The following VEPH1 variants were observed in gnomAD, a reference collection of about 807,000 sequenced individuals.
The protein encoded by VEPH1 is ventricular zone-expressed PH domain-containing protein homolog 1.
Under a neutral mutation model 85.2 loss-of-function variants are expected in VEPH1, and 80 were observed. The observed-to-expected ratio is 0.94, with a 90% CI of 0.78 to 1.13. The LOEUF is 1.13. Among genes scored for constraint, VEPH1 ranks in the 50% most tolerant of loss-of-function variants. The probability of loss-of-function intolerance (pLI) is 0.00; values close to 1 mark genes in which losing one functional copy is unlikely to be tolerated. For synonymous variants in VEPH1, 297 were observed against 348.0 expected (o/e 0.85, Z 1.63); for missense variants, 955 against 980.5 (o/e 0.97, Z 0.35).
At chr3:157,486,727 A>G (rs1232916750) in intron 2 of VEPH1, among the ~76,000 whole-genome samples, 1 of 152,308 alleles carries the variant, frequency 6.6e-6, no homozygotes, top group East Asian at 1.9e-4. Context: ...CTGGCACACA[A>G]TAAGTGCTAC....
intron 9 of VEPH1, among the ~76,000 whole-genome samples, chr3:157,329,536 C>A (rs1261088586): frequency 6.6e-6 from 1 of 152,120 alleles, no homozygotes; most frequent in East Asian, 1.9e-4. Flanking sequence ...AAGTTGTCTT[C>A]ATGTATAACT....
intron 12 of VEPH1, among the ~76,000 whole-genome samples, chr3:157,282,417 G>A (rs546684837): frequency 9.8e-5 from 15 of 152,306 alleles, no homozygotes; most frequent in African/African-American, 3.6e-4. Context: ...AAGTTCTAAA[G>A]ATGAATCATG....
At chr3:157,314,926 C>T (rs1720568261) in intron 10 of VEPH1, among the ~76,000 whole-genome samples, 1 of 151,992 alleles carries the variant, frequency 6.6e-6, no homozygotes, top group Non-Finnish European at 1.5e-5. Flanking sequence ...GTCTAATAAT[C>T]ATTTACATGT....
intron 4 of VEPH1, chr3:157,436,769 C>T: frequency 3.2e-6 from 2 of 634,012 alleles, no homozygotes; most frequent in South Asian, 2.4e-5. Flanking sequence ...CTCCCGTTAC[C>T]GCAGTGCCAC....
chr3:157,346,933 CCT>C (rs1724293241), intron 9 of VEPH1, among the ~76,000 whole-genome samples: 1 of 152,064 alleles, frequency 6.6e-6, no homozygotes, highest in African/African-American at 2.4e-5. Flanking sequence ...TGAATTAAAT[CCT>C]TTTATTTATA....
intron 2 of VEPH1, among the ~76,000 whole-genome samples, chr3:157,473,682 T>C (rs1175461419): frequency 6.6e-6 from 1 of 152,264 alleles, no homozygotes; most frequent in East Asian, 1.9e-4. Context: ...ATAGAATACA[T>C]CACTTTCTAT....
chr3:157,309,243 G>C (rs1719837303), intron 11 of VEPH1, among the ~76,000 whole-genome samples: 1 of 152,094 alleles, frequency 6.6e-6, no homozygotes, highest in Admixed American at 6.6e-5. Context: ...AAATTATAAA[G>C]ATTATAGTGG....
At chr3:157,349,298 T>C (rs1023725707) in intron 9 of VEPH1, among the ~76,000 whole-genome samples, 5 of 152,252 alleles carry the variant, frequency 3.3e-5, no homozygotes, top group African/African-American at 1.2e-4. Flanking sequence ...ATTATTTCAA[T>C]AGATGCAGGA....
At chr3:157,329,996 G>A (rs924822073) in intron 9 of VEPH1, among the ~76,000 whole-genome samples, 1 of 152,190 alleles carries the variant, frequency 6.6e-6, no homozygotes, top group African/African-American at 2.4e-5. Context: ...GAATTCTGAT[G>A]TTAGGTGTCA....
In VEPH1 at chr3:157,290,035, A is replaced by AACACACAC. The variant is rs34035101; in HGVS notation, c.2011-3369_2011-3362dup. 1.7e-3 allele frequency among the ~76,000 whole-genome samples: 245 copies of AACACACAC among 144,406 alleles called. 1 individual carries two copies. Among genetic ancestry groups the AACACACAC allele is most frequent in the Admixed American group, 2.6e-3 (37 of 14,470 alleles). 94.7% of individuals were successfully genotyped at this position (144,406 alleles called of 152,430 possible). A position where few individuals can be genotyped will look rare whatever the true frequency, so the allele number is the denominator to read the frequency against. The stretch of plus-strand genomic sequence containing the variant: ...ATCAATTCCGTTGTTATTATACACA[A>AACACACAC]ACACACACACACACACACACACACA... On this transcript the variant is annotated intron_variant, in intron 11 of 13. Coordinates refer to ENST00000362010, the MANE Select transcript of VEPH1 (RefSeq NM_001167912.2).
At chr3:157,437,080 T>C in intron 4 of VEPH1, 3 of 1,612,698 alleles carry the variant, frequency 1.9e-6, no homozygotes, top group Non-Finnish European at 2.5e-6. Context: ...TCACTTTAAC[T>C]GTTTCTCTGC....
At chr3:157,447,745 C>A (rs1463750021) in intron 4 of VEPH1, among the ~76,000 whole-genome samples, 1 of 151,956 alleles carries the variant, frequency 6.6e-6, no homozygotes, top group African/African-American at 2.4e-5. Flanking sequence ...CAGGTGTGTG[C>A]CACCACGCCT....
intron 7 of VEPH1, among the ~76,000 whole-genome samples, chr3:157,371,071 C>T (rs534716026): frequency 3.4e-4 from 52 of 152,284 alleles, no homozygotes; most frequent in African/African-American, 1.2e-3. Context: ...TTAATGTGGA[C>T]ATTTGACACT....
Position 157,317,080 on chromosome 3 carries a change from G to A in VEPH1, c.1857C>T (p.Ile619=). ...ISQEPQPWIQ[I]MFLFQQSLFP... is the part of the protein sequence containing the mutation. The stretch of plus-strand genomic sequence containing the variant: ...TACAAACCTGCTGAAATAGAAACAT[G>A]ATCTGGATCCATGGCTGAGGTTCTT... The change falls in exon 10 of 14, where the codon ATC becomes ATT. Residue 619 remains isoleucine (I), a synonymous_variant. Transcript: ENST00000362010. 1 of 1,613,054 alleles carries A rather than the reference G, an allele frequency of 6.2e-7. No homozygotes were observed. The highest frequency in any genetic ancestry group is 8.5e-7 in the Non-Finnish European group (1 of 1,179,502).
chr3:157,287,389 T>A (rs530069938), intron 11 of VEPH1, among the ~76,000 whole-genome samples: 9 of 149,812 alleles, frequency 6.0e-5, no homozygotes, highest in Non-Finnish European at 1.3e-4. Context: ...AATATATATA[T>A]ATATAATATT....
chr3:157,309,110 A>G (rs542238549), intron 11 of VEPH1, among the ~76,000 whole-genome samples: 1 of 152,056 alleles, frequency 6.6e-6, no homozygotes, highest in African/African-American at 2.4e-5. Flanking sequence ...TATTATTATT[A>G]ATGCCTAGTA....
chr3:157,499,505 T>G (rs936197827), intron 1 of VEPH1: 2 of 152,094 alleles, frequency 1.3e-5, no homozygotes, highest in African/African-American at 4.8e-5. Context: ...TCCGCTCAGC[T>G]CAGTGAACCT....
intron 2 of VEPH1, among the ~76,000 whole-genome samples, chr3:157,481,639 T>C (rs1235388099): frequency 6.6e-6 from 1 of 152,152 alleles, no homozygotes; most frequent in Non-Finnish European, 1.5e-5. Flanking sequence ...TTTGTTTTTG[T>C]TGCAATTGTG....
chr3:157,343,244 T>G (rs1723793866), intron 9 of VEPH1, among the ~76,000 whole-genome samples: 1 of 152,004 alleles, frequency 6.6e-6, no homozygotes, highest in Non-Finnish European at 1.5e-5. Flanking sequence ...CAGGAGCTGG[T>G]TTTTTGAAAA....
Sources: allele counts gnomAD v4.1 joint callset (sites outside exome capture counted in the v4.1 genomes callset), GRCh38; gene constraint gnomAD v4.1.1; transcripts MANE v1.5; gene names NCBI Gene and HGNC (gene_info 2026-07-23, HGNC 2026-07-21).